Variants in PHTF1 observed in about 807,000 individuals in gnomAD.
PHTF1 encodes the protein putative homeodomain transcription factor 1, also known as protein PHTF1.
A neutral mutation model predicts 102.4 loss-of-function variants in PHTF1; 88 were observed. The observed-to-expected ratio is 0.86, with a 90% CI of 0.72 to 1.03. The LOEUF (loss-of-function observed/expected upper bound fraction) is 1.03, where lower values mean the gene tolerates loss of function less well. Among genes scored for constraint, PHTF1 ranks in the 50% least tolerant of loss-of-function variants. The pLI, the probability that PHTF1 is intolerant of heterozygous loss-of-function variation, is 0.00. For missense variants in PHTF1, 814 were observed against 909.5 expected (o/e 0.89, Z 1.35); for synonymous variants, 289 against 305.2 (o/e 0.95, Z 0.55).
chr1:113,720,818 A>C, intron 7 of PHTF1, among the ~76,000 whole-genome samples: 1 of 152,228 alleles, frequency 6.6e-6, no homozygotes. Flanking sequence ...AAGGTTCACC[A>C]TGAGTGCCCT....
chr1:113,715,186 G>GGTA (rs2101232930), intron 7 of PHTF1: 2 of 152,372 alleles, frequency 1.3e-5, no homozygotes, highest in African/African-American at 4.8e-5. Context: ...GTACAAAGAA[G>GGTA]CCCAGACTGT....
chr1:113,742,547 G>A (rs995146106), intron 3 of PHTF1, among the ~76,000 whole-genome samples: 1 of 152,082 alleles, frequency 6.6e-6, no homozygotes, highest in Non-Finnish European at 1.5e-5. Flanking sequence ...CTTGAGCCCG[G>A]GAGGCTGAGG....
At chr1:113,719,002 C>CT (rs879612768) in intron 7 of PHTF1, among the ~76,000 whole-genome samples, 48 of 147,280 alleles carry the variant, frequency 3.3e-4, no homozygotes, top group East Asian at 3.9e-4. Flanking sequence ...TTCTTTTCTT[C>CT]TTTTTTTTTT....
chr1:113,710,571 G>T, intron 10 of PHTF1, 96 bp from the exon 11 acceptor site: 1 of 840,968 alleles, frequency 1.2e-6, no homozygotes, highest in Non-Finnish European at 1.9e-6. Flanking sequence ...GCAATGGCTT[G>T]AAAGCCTTCA....
chr1:113,704,179 G>A lies in PHTF1; in HGVS notation c.1804-12C>T. 1 of 1,588,114 alleles carries A rather than the reference G, an allele frequency of 6.3e-7. No individual in the cohort carries two copies. The highest frequency in any genetic ancestry group is 8.6e-7 in the Non-Finnish European group (1 of 1,158,950). On this transcript the variant is annotated splice_polypyrimidine_tract_variant and intron_variant, in intron 14 of 18. Coordinates refer to ENST00000369604, the MANE Select transcript of PHTF1 (RefSeq NM_001323043.2). The stretch of plus-strand genomic sequence containing the variant: ...TGTGGCCCCCGTCTCTGTGGAGTGA[G>A]ACACATGTGTTAATGTTTTAGTTAC...
rs1403102558 is a variant in PHTF1 at position 113,726,554 on chromosome 1, A to G, written c.352T>C (p.Leu118=). The part of the protein sequence containing the change: ...FMQVIAIVLY[L]MMPIVNISEV... ...CTTATGTTCACAATAGGCATCATCA[A>G]ATATAAGACAATTGCTATAACTGAA... Residue 118 remains leucine, a synonymous_variant, in exon 6 of 19, where the codon TTG becomes CTG. Coordinates refer to ENST00000369604, the MANE Select transcript of PHTF1 (RefSeq NM_001323043.2). 6.3e-7 allele frequency: 1 copy of G among 1,586,496 alleles called. No individual in the cohort carries two copies. Among genetic ancestry groups the G allele is most frequent in the African/African-American group, 1.4e-5 (1 of 73,756 alleles).
chr1:113,759,832 G>T (rs1659444964), upstream of PHTF1, among the ~76,000 whole-genome samples: 1 of 152,218 alleles, frequency 6.6e-6, no homozygotes, highest in East Asian at 1.9e-4. Context: ...GTGGGCTGTG[G>T]GCTCCATGAG....
intron 11 of PHTF1, 125 bp from the exon 12 acceptor site, chr1:113,706,847 C>CTTTA: frequency 3.2e-6 from 1 of 312,108 alleles, no homozygotes; most frequent in Non-Finnish European, 5.6e-6. Flanking sequence ...TCCTTTCTTT[C>CTTTA]TTTCTTTTTT....
intron 8 of PHTF1, among the ~76,000 whole-genome samples, chr1:113,712,595 AGTTTAAGACT>A (rs1364130536): frequency 2.0e-5 from 3 of 152,222 alleles, no homozygotes; most frequent in African/African-American, 7.2e-5. Context: ...ATAAGAAAAC[AGTTTAAGACT>A]ATAAAAGTGT....
chr1:113,758,150 G>T (rs941001640), intron 2 of PHTF1, among the ~76,000 whole-genome samples: 24 of 147,088 alleles, frequency 1.6e-4, no homozygotes, highest in African/African-American at 6.0e-4. Context: ...TCCAGAGGCT[G>T]AGCCCGGGAG....
At chr1:113,698,956 T>A (rs1467585101) in intron 17 of PHTF1, 2 of 157,042 alleles carry the variant, frequency 1.3e-5, no homozygotes, top group Non-Finnish European at 2.8e-5. Flanking sequence ...GGTCACTAAA[T>A]TCCTGATAGG....
At chr1:113,751,544 T>C (rs1212743632) in intron 3 of PHTF1, among the ~76,000 whole-genome samples, 8 of 152,258 alleles carry the variant, frequency 5.3e-5, no homozygotes. Context: ...ACAGTTTTTA[T>C]TGCTGAATTG....
chr1:113,756,426 T>G (rs891249470), intron 3 of PHTF1, among the ~76,000 whole-genome samples: 1 of 152,200 alleles, frequency 6.6e-6, no homozygotes, highest in Non-Finnish European at 1.5e-5. Flanking sequence ...CCCAGTTTTT[T>G]TAAGTATTAA....
chr1:113,723,177 ATTTTT>A (rs1186819562), intron 7 of PHTF1, among the ~76,000 whole-genome samples: 3 of 135,766 alleles, frequency 2.2e-5, no homozygotes, highest in Non-Finnish European at 1.6e-5. Flanking sequence ...CAGTGAACTC[ATTTTT>A]TTTTTTTTTT....
intron 5 of PHTF1, among the ~76,000 whole-genome samples, chr1:113,726,930 A>G (rs1461648081): frequency 6.6e-6 from 1 of 152,230 alleles, no homozygotes; most frequent in East Asian, 1.9e-4. Flanking sequence ...GAAAGCAAAC[A>G]GCAAAGATGG....
chr1:113,698,181 ACACACACG>A (rs1361903927), intron 18 of PHTF1, 73 bp downstream of exon 18: 5 of 739,694 alleles, frequency 6.8e-6, no homozygotes, highest in South Asian at 1.9e-5. Flanking sequence ...ACACACACAC[ACACACACG>A]TGTGAAGAAC....
At chr1:113,715,215 CT>C (rs1651797816) in intron 7 of PHTF1, 2 of 152,254 alleles carry the variant, frequency 1.3e-5, no homozygotes, top group South Asian at 4.1e-4. Flanking sequence ...CAATAAACAT[CT>C]AACCATTCAA....
In PHTF1 at chr1:113,759,123, G is replaced by T. The variant is rs552622014; in HGVS notation, c.-131C>A. On this transcript the variant is annotated 5_prime_UTR_variant, in exon 1 of 19. Transcript: ENST00000369604. The stretch of plus-strand genomic sequence containing the variant: ...GGCGAGGCGGCGGGCCAGGCAGGCC[G>T]CATCTTCCCCTCCAGGCGGAGACGC... The T allele has an allele frequency of 1.1e-3, 1,121 of 978,372 alleles. No individual in the cohort carries two copies. The highest frequency in any genetic ancestry group is 1.3e-3 in the Non-Finnish European group (1,098 of 822,830). 60.6% of individuals were successfully genotyped at this position (978,372 alleles called of 1,614,324 possible).
intron 5 of PHTF1, among the ~76,000 whole-genome samples, chr1:113,733,995 C>A (rs1655089857): frequency 6.6e-6 from 1 of 152,206 alleles, no homozygotes; most frequent in Non-Finnish European, 1.5e-5. Context: ...TGTAGTGGTT[C>A]ACACCTGTAA....
Sources: allele counts gnomAD v4.1 joint callset (sites outside exome capture counted in the v4.1 genomes callset), GRCh38; gene constraint gnomAD v4.1.1; transcripts MANE v1.5; gene names NCBI Gene and HGNC (gene_info 2026-07-23, HGNC 2026-07-21).